Variants in STX8 observed in about 807,000 individuals in gnomAD.
STX8 encodes the protein syntaxin-8.
In STX8, 23 loss-of-function variants were observed where a neutral mutation model predicts 37.5. The observed-to-expected ratio is 0.61, with a 90% CI of 0.44 to 0.87. The LOEUF is 0.87. Ranked by LOEUF, STX8 falls within the 40% of genes least tolerant of loss-of-function variation. The probability of loss-of-function intolerance (pLI) is 0.00; values close to 1 mark genes in which losing one functional copy is unlikely to be tolerated. For missense variants in STX8, 313 were observed against 284.7 expected (o/e 1.10, Z -0.71); for synonymous variants, 115 against 99.1 (o/e 1.16, Z -0.95).
rs575240217 is a variant in STX8 at position 9,556,750 on chromosome 17, AATATATATATATATATATATAT to A, written c.212+662_212+683del. The A allele has an allele frequency of 8.5e-4, 85 of 99,548 alleles. 1 individual carries two copies. In the East Asian group the frequency reaches 9.4e-3, roughly 11 times the overall value. The allele number at this position is 99,548 out of a possible 1,614,324, so 6.2% of individuals were successfully genotyped here. On this transcript the variant is annotated intron_variant, in intron 3 of 7. Coordinates refer to ENST00000306357, the MANE Select transcript of STX8 (RefSeq NM_004853.3). ...CCTGGCCCAGATTATGAATTTCTAA[AATATATATATATATATATATAT>A]ATATATATATATATATATATATACA... is the stretch of plus-strand genomic sequence containing the variant.
chr17:9,398,595 T>C lies in STX8; in HGVS notation c.542-19942A>G, dbSNP rs562746457. Among the ~76,000 whole-genome samples, 3 of 152,352 alleles carry C rather than the reference T, an allele frequency of 2.0e-5. No individual in the cohort carries two copies. The South Asian group carries it at 6.2e-4, about 32-fold the overall frequency. On this transcript the variant is annotated intron_variant, in intron 6 of 7. Coordinates refer to ENST00000306357, the MANE Select transcript of STX8 (RefSeq NM_004853.3). Reference sequence around the variant, plus strand: ...TAATATATCAATATCGGCCCATTAATTGCACAAATATATCATGCTAATGTA... The same window carrying C: ...TAATATATCAATATCGGCCCATTAACTGCACAAATATATCATGCTAATGTA...
At chr17:9,253,522 G>C (rs1906671144) in intron 7 of STX8, among the ~76,000 whole-genome samples, 1 of 152,090 alleles carries the variant, frequency 6.6e-6, no homozygotes, top group East Asian at 1.9e-4. Context: ...ATGAGGAGAA[G>C]ATAACGAGAA....
intron 4 of STX8, among the ~76,000 whole-genome samples, chr17:9,511,896 AG>A (rs1905029143): frequency 2.0e-5 from 3 of 152,244 alleles, no homozygotes; most frequent in Admixed American, 6.5e-5. Context: ...GTAAAGTTGC[AG>A]AATACAAAAT....
chr17:9,410,584 C>T (rs1912946166), intron 6 of STX8, among the ~76,000 whole-genome samples: 2 of 152,204 alleles, frequency 1.3e-5, no homozygotes, highest in African/African-American at 4.8e-5. Flanking sequence ...TGCAGCTGTT[C>T]TTGGCTGTTA....
chr17:9,407,982 A>G (rs1912855438), intron 6 of STX8, among the ~76,000 whole-genome samples: 1 of 152,182 alleles, frequency 6.6e-6, no homozygotes, highest in Admixed American at 6.5e-5. Context: ...CCCACAAGGA[A>G]CAGCTTTGCA....
At chr17:9,400,411 T>TTA (rs202012150) in intron 6 of STX8, among the ~76,000 whole-genome samples, 11 of 136,000 alleles carry the variant, frequency 8.1e-5, no homozygotes, top group East Asian at 2.3e-4. Flanking sequence ...ATTTATTTAT[T>TTA]TTTTTTTTTT....
At chr17:9,334,286 T>C (rs947326182) in intron 7 of STX8, among the ~76,000 whole-genome samples, 11 of 152,286 alleles carry the variant, frequency 7.2e-5, no homozygotes, top group African/African-American at 2.4e-4. Context: ...CAGAATCTTG[T>C]AGTCTCCAGC....
chr17:9,368,732 C>T (rs1365209276), intron 7 of STX8, among the ~76,000 whole-genome samples: 1 of 152,026 alleles, frequency 6.6e-6, no homozygotes, highest in Non-Finnish European at 1.5e-5. Context: ...TTTGGTTTGG[C>T]TTTTCACTTA....
intron 5 of STX8, among the ~76,000 whole-genome samples, chr17:9,498,604 T>A (rs1904494908): frequency 6.6e-6 from 1 of 152,160 alleles, no homozygotes; most frequent in African/African-American, 2.4e-5. Flanking sequence ...GTTCAAAGGT[T>A]AGCTACTAAG....
chr17:9,322,088 C>T (rs1476936536), intron 7 of STX8, among the ~76,000 whole-genome samples: 1 of 152,198 alleles, frequency 6.6e-6, no homozygotes, highest in Non-Finnish European at 1.5e-5. Context: ...TTATTTCTAT[C>T]AGAATACGTT....
At chr17:9,307,982 A>G (rs548986241) in intron 7 of STX8, among the ~76,000 whole-genome samples, 1 of 152,362 alleles carries the variant, frequency 6.6e-6, no homozygotes, top group East Asian at 1.9e-4. Context: ...AGCTACACAG[A>G]GAGGCCAAGA....
chr17:9,311,618 T>C (rs1909191197), intron 7 of STX8, among the ~76,000 whole-genome samples: 1 of 152,202 alleles, frequency 6.6e-6, no homozygotes, highest in Admixed American at 6.5e-5. Context: ...GTCTAGTTAT[T>C]AAGAACACAG....
rs568707668 is a variant in STX8, at chr17:9,260,476, T to C, written c.644-9831A>G. On this transcript the variant is annotated intron_variant, in intron 7 of 7. Transcript: ENST00000306357. The stretch of plus-strand genomic sequence containing the variant: ...CTGTCTCTACTAAAAATACAAAAAT[T>C]AGCCAGGCGTGGTGGTGCACGCCTG... 7.9e-5 allele frequency among the ~76,000 whole-genome samples: 12 copies of C among 152,080 alleles called. No homozygotes were observed. In the South Asian group the frequency reaches 2.5e-3, roughly 32 times the overall value.
chr17:9,322,901 GAA>G (rs796442636), intron 7 of STX8, among the ~76,000 whole-genome samples: 2 of 129,804 alleles, frequency 1.5e-5, no homozygotes, highest in African/African-American at 5.6e-5. Context: ...CTTTTATGAG[GAA>G]AAAAAAAAAC....
intron 6 of STX8, among the ~76,000 whole-genome samples, chr17:9,419,546 A>G (rs1325750746): frequency 6.6e-6 from 1 of 152,242 alleles, no homozygotes; most frequent in Non-Finnish European, 1.5e-5. Flanking sequence ...TCAACAGCAA[A>G]AAGGACAACA....
chr17:9,425,714 A>C (rs1458823744), intron 6 of STX8, among the ~76,000 whole-genome samples: 1 of 152,196 alleles, frequency 6.6e-6, no homozygotes. Flanking sequence ...TCTTTCTTCC[A>C]GTTAAGTGAC....
intron 2 of STX8, among the ~76,000 whole-genome samples, chr17:9,558,114 T>C (rs973832161): frequency 2.0e-5 from 3 of 152,198 alleles, no homozygotes; most frequent in Admixed American, 6.5e-5. Context: ...CCAATCATCC[T>C]ACAGGAAATT....
At chr17:9,386,601 C>T (rs1218328814) in intron 6 of STX8, among the ~76,000 whole-genome samples, 1 of 151,984 alleles carries the variant, frequency 6.6e-6, no homozygotes, top group Non-Finnish European at 1.5e-5. Context: ...GCAGGCAAGA[C>T]AAAACAAATG....
At chr17:9,293,592 C>T (rs1251978151) in intron 7 of STX8, among the ~76,000 whole-genome samples, 4 of 151,756 alleles carry the variant, frequency 2.6e-5, no homozygotes, top group African/African-American at 7.3e-5. Context: ...TAAGAAGGTC[C>T]GGCGGTCTAC....
Sources: gnomAD v4.1 joint callset for allele counts (sites outside exome capture counted in the v4.1 genomes callset) on GRCh38, gnomAD v4.1.1 for gene constraint, MANE v1.5 for transcripts, NCBI Gene and HGNC (gene_info 2026-07-23, HGNC 2026-07-21) for gene names.